Variants in WDFY3 observed in about 807,000 individuals in gnomAD.
WDFY3 encodes the protein WD repeat and FYVE domain-containing protein 3.
Under a neutral mutation model 409.6 loss-of-function variants are expected in WDFY3, and 66 were observed. That is an observed-to-expected ratio of 0.16 (90% CI 0.13 to 0.20). The LOEUF is 0.20. WDFY3 is among the 10% of genes least tolerant of loss of function. WDFY3 has a pLI of 1.00. For synonymous variants in WDFY3, 1,521 were observed against 1,537.1 expected, an observed-to-expected ratio of 0.99 and a Z score of 0.25; for missense variants, 3,031 against 4,298.1, an observed-to-expected ratio of 0.71 and a Z score of 8.24.
At chr4:84,853,472 C>A (rs1432468709) in intron 4 of WDFY3, among the ~76,000 whole-genome samples, 1 of 152,218 alleles carries the variant, frequency 6.6e-6, no homozygotes, top group Non-Finnish European at 1.5e-5. Flanking sequence ...ACTCTCCTGG[C>A]TGAGTACATG....
At chr4:84,746,642 A>G (rs1037640103) in intron 36 of WDFY3, among the ~76,000 whole-genome samples, 1 of 152,104 alleles carries the variant, frequency 6.6e-6, no homozygotes, top group Non-Finnish European at 1.5e-5. Flanking sequence ...TGATGTTCTT[A>G]CTGAGATGTA....
In WDFY3 at chr4:84,909,814, C is replaced by T. The variant is rs192722324; in HGVS notation, c.-131-12804G>A. 4.1e-3 allele frequency among the ~76,000 whole-genome samples: 623 copies of T among 152,112 alleles called. 1 individual carries two copies. Among genetic ancestry groups the T allele is most frequent in the Middle Eastern group, 0.01 (3 of 294 alleles). ...AAATATTTTCTTTTTTGTCTTCATG[C>T]TTTTGTCTCTAATCCTCAAATTTCC... On this transcript the variant is annotated intron_variant, in intron 2 of 67. Transcript: ENST00000295888.
chr4:84,683,251 G>A (rs1727709135), intron 63 of WDFY3, among the ~76,000 whole-genome samples: 2 of 152,178 alleles, frequency 1.3e-5, no homozygotes, highest in African/African-American at 4.8e-5. Context: ...GAGGTACAGG[G>A]TGTGGTATTG....
At chr4:84,873,721 A>G (rs1762411899) in intron 3 of WDFY3, among the ~76,000 whole-genome samples, 1 of 152,052 alleles carries the variant, frequency 6.6e-6, no homozygotes, top group South Asian at 2.1e-4. Flanking sequence ...TGATCAGTAA[A>G]CTTAGTGTAA....
chr4:84,792,819 T>C (rs6821491), intron 21 of WDFY3, among the ~76,000 whole-genome samples: 7,017 of 152,304 alleles, frequency 0.046, 549 homozygotes, highest in African/African-American at 0.16. Flanking sequence ...TTTCTCGTTG[T>C]TTCTTCCTCA....
At chr4:84,925,171 T>G (rs1674902793) in intron 2 of WDFY3, among the ~76,000 whole-genome samples, 1 of 152,198 alleles carries the variant, frequency 6.6e-6, no homozygotes, top group African/African-American at 2.4e-5. Context: ...CATGCCTCAG[T>G]GCCATAAGCA....
rs1755739352 is a variant in WDFY3, at chr4:84,831,564, C to A, written c.618G>T (p.Glu206Asp). Residue 206 changes from glutamate to aspartate, a missense_variant, in exon 8 of 68, where the codon GAG becomes GAT. By Grantham distance (45) the Glu-to-Asp change is conservative. This residue lies in a region of WDFY3 where 1,322 missense variants were observed against 1,697.9 expected (regional missense o/e 0.78). Coordinates refer to ENST00000295888, the MANE Select transcript of WDFY3 (RefSeq NM_014991.6). ...KLCSFVSPAE[E>D]LAQKDDLQLL... Reference sequence around the variant, plus strand: ...GCTGGAGATCATCTTTCTGAGCCAGCTCCTCCGCAGGGGAAACAAAACTGC... The same window carrying A: ...GCTGGAGATCATCTTTCTGAGCCAGATCCTCCGCAGGGGAAACAAAACTGC... 6.2e-7 allele frequency: 1 copy of A among 1,613,826 alleles called. No homozygotes were observed. The highest frequency in any genetic ancestry group is 8.5e-7 in the Non-Finnish European group (1 of 1,179,922).
chr4:84,705,318 G>A lies in WDFY3; in HGVS notation c.8335+76C>T, dbSNP rs116717871. 2.1e-3 allele frequency: 2,261 copies of A among 1,102,730 alleles called. 32 individuals are homozygous for A. The African/African-American group carries it at 0.03, about 15-fold the overall frequency. The allele number at this position is 1,102,730 out of a possible 1,614,324, so 68.3% of individuals were successfully genotyped here. A position where few individuals can be genotyped will look rare whatever the true frequency, so the allele number is the denominator to read the frequency against. ...TATAAGCAATTTGAAGGAGGATGTA[G>A]GAATGTCAGACCGCTACATAATGAC... On this transcript the variant is annotated intron_variant, in intron 54 of 67. Transcript: ENST00000295888.
chr4:84,751,992 T>C (rs1740605874), intron 35 of WDFY3, among the ~76,000 whole-genome samples: 1 of 152,090 alleles, frequency 6.6e-6, no homozygotes, highest in Non-Finnish European at 1.5e-5. Flanking sequence ...GCACTTAAAA[T>C]ATATGGAATA....
At chr4:84,739,811 A>G (rs1364669075) in intron 39 of WDFY3, among the ~76,000 whole-genome samples, 2 of 152,156 alleles carry the variant, frequency 1.3e-5, no homozygotes, top group African/African-American at 4.8e-5. Context: ...CTCTAATGAA[A>G]TATCTGTCAA....
chr4:84,753,598 TAA>T, intron 35 of WDFY3, 97 bp downstream of exon 35: 1 of 1,351,636 alleles, frequency 7.4e-7, no homozygotes, highest in Non-Finnish European at 9.7e-7. Context: ...GTCAGAAACT[TAA>T]AAGACTGTCA....
chr4:84,882,286 G>A (rs998465328), intron 3 of WDFY3, among the ~76,000 whole-genome samples: 1 of 152,152 alleles, frequency 6.6e-6, no homozygotes, highest in African/African-American at 2.4e-5. Context: ...TTTATGGAGA[G>A]TATCTCCAAT....
intron 1 of WDFY3, among the ~76,000 whole-genome samples, chr4:84,943,255 A>G (rs1772369230): frequency 6.6e-6 from 1 of 152,174 alleles, no homozygotes; most frequent in Non-Finnish European, 1.5e-5. Context: ...TAATCCAAGC[A>G]CTTTGGGAGG....
chr4:84,709,450 A>C (rs1442480495), intron 51 of WDFY3, 103 bp from the exon 52 acceptor site: 1 of 945,010 alleles, frequency 1.1e-6, no homozygotes, highest in Admixed American at 2.7e-5. Context: ...GAATTTTTCA[A>C]ACTATGGAGG....
Position 84,682,624 on chromosome 4 carries a change from A to G in WDFY3, c.9727-154T>C. The stretch of plus-strand genomic sequence containing the variant: ...TTTCCCGTATCTTGGAAGATGTGGC[A>G]GCGGGCTGCCTGCACACAATGGCTG... On this transcript the variant is annotated intron_variant, in intron 63 of 67. Transcript: ENST00000295888. The G allele has an allele frequency of 1.4e-5, 9 of 655,772 alleles. No individual in the cohort carries two copies. The South Asian group carries it at 1.8e-4, about 13-fold the overall frequency. 40.6% of individuals were successfully genotyped at this position (655,772 alleles called of 1,614,324 possible). A position where few individuals can be genotyped will look rare whatever the true frequency, so the allele number is the denominator to read the frequency against.
chr4:84,876,163 C>T (rs1023787500), intron 3 of WDFY3, among the ~76,000 whole-genome samples: 17 of 152,154 alleles, frequency 1.1e-4, no homozygotes, highest in African/African-American at 3.9e-4. Context: ...CTTTGTGCTA[C>T]GGTATTACAA....
At chr4:84,761,046 C>T (rs2149358419) in intron 32 of WDFY3, among the ~76,000 whole-genome samples, 1 of 151,960 alleles carries the variant, frequency 6.6e-6, no homozygotes, top group South Asian at 2.1e-4. Context: ...TTTATTTCTG[C>T]CTTCATTTCG....
chr4:84,698,290 A>ATT (rs775367132), intron 56 of WDFY3, among the ~76,000 whole-genome samples: 28 of 145,760 alleles, frequency 1.9e-4, no homozygotes, highest in African/African-American at 6.0e-4. Context: ...ATATATATAT[A>ATT]TTTTTTTTTT....
At chr4:84,794,832 A>G in intron 20 of WDFY3, 47 bp downstream of exon 20, 2 of 1,526,060 alleles carry the variant, frequency 1.3e-6, no homozygotes, top group Non-Finnish European at 1.8e-6. Context: ...AATTATATAT[A>G]ATCTACTAGA....
Sources: allele counts gnomAD v4.1 joint callset (sites outside exome capture counted in the v4.1 genomes callset), GRCh38; gene constraint gnomAD v4.1.1; regional missense constraint gnomAD v4.1.1; transcripts MANE v1.5; gene names NCBI Gene and HGNC (gene_info 2026-07-23, HGNC 2026-07-21).